The following PGAP4 variants were observed in gnomAD, a reference collection of about 807,000 sequenced individuals.
PGAP4 encodes the protein GPI-N-acetylgalactosamine transferase PGAP4.
A neutral mutation model predicts 28.2 loss-of-function variants in PGAP4; 12 were observed. That is an observed-to-expected ratio of 0.42 (90% confidence interval 0.27 to 0.69). The LOEUF (loss-of-function observed/expected upper bound fraction) is 0.69, where lower values mean the gene tolerates loss of function less well. Ranked by LOEUF, PGAP4 falls within the 30% of genes least tolerant of loss-of-function variation. The pLI is 0.22. For synonymous variants in PGAP4, 205 were observed against 211.8 expected (o/e 0.97, Z 0.28); for missense variants, 425 against 513.5 (o/e 0.83, Z 1.67).
At chr9:101,531,934 A>T (rs1827094164) in intron 1 of PGAP4, among the ~76,000 whole-genome samples, 1 of 152,374 alleles carries the variant, frequency 6.6e-6, no homozygotes, top group African/African-American at 2.4e-5. Flanking sequence ...TATGGTAAAC[A>T]AGAATAACAT....
chr9:101,509,133 C>A (rs534938231), intron 2 of PGAP4, among the ~76,000 whole-genome samples: 1 of 152,310 alleles, frequency 6.6e-6, no homozygotes, highest in East Asian at 1.9e-4. Flanking sequence ...GTATCCATTC[C>A]TTCCCAGTCT....
chr9:101,487,979 C>G (rs534090467), upstream of PGAP4, among the ~76,000 whole-genome samples: 45 of 152,254 alleles, frequency 3.0e-4, no homozygotes, highest in African/African-American at 9.1e-4. Flanking sequence ...TTTGCCAACA[C>G]CTGCTCTAAA....
chr9:101,519,289 C>G (rs1826966813), intron 2 of PGAP4, among the ~76,000 whole-genome samples: 1 of 152,134 alleles, frequency 6.6e-6, no homozygotes, highest in South Asian at 2.1e-4. Context: ...TCCTGAGTAG[C>G]TGGGATTACA....
intron 1 of PGAP4, among the ~76,000 whole-genome samples, chr9:101,481,669 T>C (rs988255927): frequency 6.6e-6 from 1 of 152,130 alleles, no homozygotes; most frequent in African/African-American, 2.4e-5. Context: ...ACAACAATAG[T>C]TATATTTTAG....
chr9:101,479,147 T>C (rs1190177605), intron 1 of PGAP4, among the ~76,000 whole-genome samples: 2 of 152,230 alleles, frequency 1.3e-5, no homozygotes, highest in African/African-American at 4.8e-5. Context: ...TCCAGCATAT[T>C]GCAGACTGGT....
intron 2 of PGAP4, among the ~76,000 whole-genome samples, chr9:101,494,209 T>C (rs1826716283): frequency 6.6e-6 from 1 of 151,954 alleles, no homozygotes; most frequent in South Asian, 2.1e-4. Flanking sequence ...ACATTTTAGT[T>C]AAAGCCTTGT....
intron 2 of PGAP4, among the ~76,000 whole-genome samples, chr9:101,530,188 G>T (rs1346237548): frequency 6.6e-6 from 1 of 152,222 alleles, no homozygotes; most frequent in East Asian, 1.9e-4. Context: ...CTCAGTAGTT[G>T]TCCAAGTTTC....
chr9:101,530,383 T>C (rs1045749652), intron 2 of PGAP4, among the ~76,000 whole-genome samples: 3 of 152,102 alleles, frequency 2.0e-5, no homozygotes, highest in Non-Finnish European at 4.4e-5. Flanking sequence ...TAAGTCATCA[T>C]TTGAAAAAAA....
chr9:101,515,594 T>C (rs1826937560), intron 2 of PGAP4, among the ~76,000 whole-genome samples: 1 of 152,158 alleles, frequency 6.6e-6, no homozygotes. Context: ...CAAAGCTATA[T>C]TAATAATTAA....
intron 2 of PGAP4, among the ~76,000 whole-genome samples, chr9:101,519,190 C>T (rs914509665): frequency 6.6e-6 from 1 of 152,054 alleles, no homozygotes; most frequent in Non-Finnish European, 1.5e-5. Flanking sequence ...TGGAGTCTTG[C>T]TCTGTCACCC....
In PGAP4 at chr9:101,476,581, G is replaced by C. The variant is rs1238641173; in HGVS notation, c.512C>G (p.Thr171Ser). Reference sequence around the variant, plus strand: ...AGGGTCATCACCATAATCATCCTCAGTGCCCTCATAGCGATTGGCCACAGG... The same window carrying C: ...AGGGTCATCACCATAATCATCCTCACTGCCCTCATAGCGATTGGCCACAGG... ...YVPVANRYEG[T>S]EDDYGDDPST... The change falls in exon 2 of 2, where the codon ACT becomes AGT. Residue 171 changes from threonine (T) to serine (S), a missense_variant. By Grantham distance (58) the Thr-to-Ser change is moderately conservative. Transcript: ENST00000374848. The surrounding 1 kb of genome is among the most constrained non-coding windows in gnomAD (Gnocchi z 7.0). 5.6e-6 allele frequency: 9 copies of C among 1,614,170 alleles called. No homozygotes were observed. Among genetic ancestry groups the C allele is most frequent in the Non-Finnish European group, 7.6e-6 (9 of 1,180,038 alleles).
intron 2 of PGAP4, among the ~76,000 whole-genome samples, chr9:101,523,029 G>T (rs1211526172): frequency 1.3e-5 from 2 of 152,100 alleles, no homozygotes; most frequent in Non-Finnish European, 2.9e-5. Flanking sequence ...TAAGTGTTTT[G>T]TTTGAGGAGG....
intron 2 of PGAP4, among the ~76,000 whole-genome samples, chr9:101,523,906 A>G (rs1827010365): frequency 6.6e-6 from 1 of 151,460 alleles, no homozygotes; most frequent in African/African-American, 2.4e-5. Context: ...TATTGTTCAG[A>G]TTCTTTTGTC....
At position 101,487,049 on chromosome 9, in the gene PGAP4, G is replaced by T. The variant is rs1273193955; in HGVS notation, c.-178C>A. On this transcript the variant is annotated 5_prime_UTR_variant, in exon 1 of 2. Transcript: ENST00000374848. ...TCCCGGTGGAGGCGCCATCTCCGGG[G>T]CCCGGAAGGAGCGGGCGCAGCGCGG... 9 of 152,296 alleles carry T rather than the reference G, an allele frequency of 5.9e-5. No homozygotes were observed. The highest frequency in any genetic ancestry group is 1.3e-4 in the Non-Finnish European group (9 of 68,108). 9.4% of individuals were successfully genotyped at this position (152,296 alleles called of 1,614,324 possible). A position where few individuals can be genotyped will look rare whatever the true frequency, so the allele number is the denominator to read the frequency against.
rs150835812 is a variant in PGAP4, at chr9:101,524,026, C to T, written c.-165+7322G>A. Among the ~76,000 whole-genome samples the T allele has an allele frequency of 6.6e-4, 100 of 152,002 alleles. 2 individuals are homozygous for T. The East Asian group carries it at 0.016, about 25-fold the overall frequency. Reference sequence around the variant, plus strand: ...CTCTCTTCTGGGTCTAGGCACCCAGCGAGTCTACCCAGCTCCGGGCTGGTA... The same window carrying T: ...CTCTCTTCTGGGTCTAGGCACCCAGTGAGTCTACCCAGCTCCGGGCTGGTA... On this transcript the variant is annotated intron_variant, in intron 2 of 3. Coordinates refer to the PGAP4 transcript ENST00000374851.
intron 2 of PGAP4, among the ~76,000 whole-genome samples, chr9:101,496,833 T>C (rs1826756252): frequency 6.6e-6 from 1 of 150,792 alleles, no homozygotes; most frequent in Admixed American, 6.6e-5. Flanking sequence ...TTTGAATTTA[T>C]TGGTTTGTTT....
intron 2 of PGAP4, among the ~76,000 whole-genome samples, chr9:101,519,110 T>C (rs978199140): frequency 6.6e-6 from 1 of 152,182 alleles, no homozygotes; most frequent in South Asian, 2.1e-4. Context: ...TTTGTATATC[T>C]TCTTTTGAGA....
chr9:101,487,398 G>C (rs2118564382), upstream of PGAP4, among the ~76,000 whole-genome samples: 2 of 152,346 alleles, frequency 1.3e-5, no homozygotes, highest in South Asian at 4.1e-4. Context: ...TCATGAGAAA[G>C]CTGTTACTTT....
In PGAP4 at chr9:101,477,117, GTCCCAAGAAAAAACCATCCT is replaced by G; in HGVS notation, c.-45_-26del. 6.5e-7 allele frequency: 1 copy of G among 1,527,594 alleles called. No individual in the cohort carries two copies. The highest frequency in any genetic ancestry group is 2.2e-5 in the Admixed American group (1 of 46,238). The allele number at this position is 1,527,594 out of a possible 1,614,324, so 94.6% of individuals were successfully genotyped here. Reference sequence around the variant, plus strand: ...TGAGGTCAACTTTTGTTCATGTCTGGTCCCAAGAAAAAACCATCCTGGAACTCAGGCCAGAGTCATCAGAA... The same window carrying G: ...TGAGGTCAACTTTTGTTCATGTCTGGGGAACTCAGGCCAGAGTCATCAGAA... On this transcript the variant is annotated 5_prime_UTR_variant, in exon 2 of 2. The change abolishes an upstream ATG in the 5' untranslated region. Transcript: ENST00000374848.
Sources: gnomAD v4.1 joint callset for allele counts (sites outside exome capture counted in the v4.1 genomes callset) on GRCh38, gnomAD v4.1.1 for gene constraint, Gnocchi (gnomAD v3.1) non-coding constraint, MANE v1.5 for transcripts, NCBI Gene and HGNC (gene_info 2026-07-23, HGNC 2026-07-21) for gene names.